Variants in EPS8 observed in about 807,000 individuals in gnomAD.
EPS8 encodes the protein epidermal growth factor receptor kinase substrate 8.
Under a neutral mutation model 103.8 loss-of-function variants are expected in EPS8, and 42 were observed. That is an observed-to-expected ratio of 0.40 (90% CI 0.32 to 0.52). The LOEUF is 0.52. EPS8 is among the 20% of genes least tolerant of loss of function. EPS8 has a pLI of 0.40. For missense variants in EPS8, 969 were observed against 1,005.1 expected, an observed-to-expected ratio of 0.96 and a Z score of 0.49; for synonymous variants, 344 against 344.6, an observed-to-expected ratio of 1.00 and a Z score of 0.02.
chr12:15,779,918 C>T lies in EPS8; in HGVS notation c.-22+9243G>A, dbSNP rs762730545. The T allele has an allele frequency of 6.6e-6, 1 of 152,188 alleles. No individual in the cohort carries two copies. Among genetic ancestry groups the T allele is most frequent in the Non-Finnish European group, 1.5e-5 (1 of 68,036 alleles). 9.4% of individuals were successfully genotyped at this position (152,188 alleles called of 1,614,324 possible). A position where few individuals can be genotyped will look rare whatever the true frequency, so the allele number is the denominator to read the frequency against. ...TAGACAGGCTTAAACAGGACTAGATCTGGCTTCATAGATTATTACATTCTT... is the reference window on the plus strand; with the variant it reads ...TAGACAGGCTTAAACAGGACTAGATTTGGCTTCATAGATTATTACATTCTT... On this transcript the variant is annotated intron_variant, in intron 1 of 20. Transcript: ENST00000281172. This position sits in a 1 kb window ranked among gnomAD's most constrained non-coding sequence, Gnocchi z 4.3.
intron 6 of EPS8, among the ~76,000 whole-genome samples, chr12:15,667,774 T>C (rs1232446456): frequency 6.6e-6 from 1 of 152,194 alleles, no homozygotes; most frequent in East Asian, 1.9e-4. Context: ...GCGAAAAATG[T>C]CTCATATGCA....
chr12:15,735,841 C>G lies in EPS8; in HGVS notation c.-21-52869G>C, dbSNP rs1407502761. ...CCATAATTGGCAATATTTTTAAAAA[C>G]TTATATAGAAAAAAATGCCAATAAT... On this transcript the variant is annotated intron_variant, in intron 1 of 20. Transcript: ENST00000281172. The surrounding 1 kb of genome is among the most constrained non-coding windows in gnomAD (Gnocchi z 4.4). Among the ~76,000 whole-genome samples the G allele has an allele frequency of 6.6e-6, 1 of 152,036 alleles. No individual in the cohort carries two copies. Among genetic ancestry groups the G allele is most frequent in the African/African-American group, 2.4e-5 (1 of 41,362 alleles).
intron 6 of EPS8, among the ~76,000 whole-genome samples, chr12:15,668,487 A>G (rs1054321659): frequency 6.6e-6 from 1 of 152,228 alleles, no homozygotes; most frequent in Non-Finnish European, 1.5e-5. Flanking sequence ...AAAGAAAACA[A>G]CTGAGGAAAT....
At chr12:15,711,086 G>C (rs1166401095) in intron 1 of EPS8, among the ~76,000 whole-genome samples, 1 of 146,402 alleles carries the variant, frequency 6.8e-6, no homozygotes, top group Admixed American at 7.0e-5. Flanking sequence ...ATTTATTTTG[G>C]TAGAGACAAG....
chr12:15,658,477 T>C lies in EPS8; in HGVS notation c.1026+20A>G, dbSNP rs748862345. 2.9e-6 allele frequency: 4 copies of C among 1,394,596 alleles called. No individual in the cohort carries two copies. The highest frequency in any genetic ancestry group is 2.3e-5 in the East Asian group (1 of 43,854). 86.4% of individuals were successfully genotyped at this position (1,394,596 alleles called of 1,614,324 possible). On this transcript the variant is annotated intron_variant, in intron 11 of 20. Transcript: ENST00000281172. ...TTTCCATTTATTTCTTCTAATTCTA[T>C]ATACATAAATTTCACTTACCAGAAG... is the stretch of plus-strand genomic sequence containing the variant.
At chr12:15,739,150 T>C (rs1270486472) in intron 1 of EPS8, among the ~76,000 whole-genome samples, 2 of 152,182 alleles carry the variant, frequency 1.3e-5, no homozygotes, top group Non-Finnish European at 2.9e-5. Context: ...AACCTGAGAA[T>C]AGTATTACTC....
intron 1 of EPS8, among the ~76,000 whole-genome samples, chr12:15,788,941 G>A (rs1947339116): frequency 1.3e-5 from 2 of 152,074 alleles, no homozygotes; most frequent in Non-Finnish European, 2.9e-5. Context: ...GGGTCTGCAC[G>A]GGCCCCACAG....
chr12:15,634,160 G>A (rs1410541423), intron 17 of EPS8, among the ~76,000 whole-genome samples: 5 of 152,182 alleles, frequency 3.3e-5, no homozygotes, highest in Non-Finnish European at 7.3e-5. Flanking sequence ...GACTTTCCCA[G>A]TAATTAGCAC....
intron 12 of EPS8, among the ~76,000 whole-genome samples, chr12:15,654,692 G>A (rs562156055): frequency 1.3e-5 from 2 of 152,162 alleles, no homozygotes; most frequent in South Asian, 4.1e-4. Context: ...TGCGGTTCCC[G>A]AAATGAGTAC....
chr12:15,649,838 A>G (rs1005200603), intron 14 of EPS8, among the ~76,000 whole-genome samples: 1 of 152,214 alleles, frequency 6.6e-6, no homozygotes, highest in Non-Finnish European at 1.5e-5. Flanking sequence ...TCATTCCCTC[A>G]TAACATATTT....
chr12:15,773,146 T>C (rs978753714), intron 1 of EPS8, among the ~76,000 whole-genome samples: 1 of 152,146 alleles, frequency 6.6e-6, no homozygotes, highest in African/African-American at 2.4e-5. Context: ...ATGTTCCATA[T>C]ATGCAGAATA....
chr12:15,695,829 G>A lies in EPS8; in HGVS notation c.-21-12857C>T, dbSNP rs1946235751. ...ATCTCTACCAAAAATATAAAAATCA[G>A]CCAGACATGGTGGCAGGCACCTGTA... On this transcript the variant is annotated intron_variant, in intron 1 of 20. Transcript: ENST00000281172. This position sits in a 1 kb window ranked among gnomAD's most constrained non-coding sequence, Gnocchi z 5.0. Among the ~76,000 whole-genome samples, 1 of 152,098 alleles carries A rather than the reference G, an allele frequency of 6.6e-6. No individual in the cohort carries two copies. The highest frequency in any genetic ancestry group is 2.4e-5 in the African/African-American group (1 of 41,418).
rs12228371 is a variant in EPS8 at position 15,769,920 on chromosome 12, T to C, written c.-22+19241A>G. ...GTTCCAGTGCCACAATTATTTGTAA[T>C]TTTCATGTTTTTTTAATTAGGTTTT... On this transcript the variant is annotated intron_variant, in intron 1 of 20. Transcript: ENST00000281172. This position sits in a 1 kb window ranked among gnomAD's most constrained non-coding sequence, Gnocchi z 4.6. Among the ~76,000 whole-genome samples the C allele has an allele frequency of 1.1e-3, 172 of 152,202 alleles. 2 individuals carry two copies. The East Asian group carries it at 0.031, about 27-fold the overall frequency.
rs1026189955 is a variant in EPS8, at chr12:15,706,393, T to C, written c.-21-23421A>G. ...CTATCACACTTGTCTAGAATAATTA[T>C]CTTTTATATCTTTGCCTATCTAAAT... is the stretch of plus-strand genomic sequence containing the variant. On this transcript the variant is annotated intron_variant, in intron 1 of 20. Transcript: ENST00000281172. The surrounding 1 kb of genome is among the most constrained non-coding windows in gnomAD (Gnocchi z 5.2). Among the ~76,000 whole-genome samples the C allele has an allele frequency of 2.0e-5, 3 of 152,206 alleles. No individual in the cohort carries two copies. Among genetic ancestry groups the C allele is most frequent in the African/African-American group, 7.2e-5 (3 of 41,462 alleles).
chr12:15,782,726 A>T (rs1047096128), intron 1 of EPS8, among the ~76,000 whole-genome samples: 6 of 152,198 alleles, frequency 3.9e-5, no homozygotes, highest in African/African-American at 1.4e-4. Context: ...CGCGGTCAAG[A>T]GAAATGTAAA....
rs1334278082 is a variant in EPS8 at position 15,654,126 on chromosome 12, A to G, written c.1250+19T>C. 1 of 1,609,462 alleles carries G rather than the reference A, an allele frequency of 6.2e-7. No individual in the cohort carries two copies. Among genetic ancestry groups the G allele is most frequent in the African/African-American group, 1.3e-5 (1 of 74,922 alleles). On this transcript the variant is annotated intron_variant, in intron 13 of 20. Transcript: ENST00000281172. Reference sequence around the variant, plus strand: ...AACAAAGAATGGTACTTAAGGCATTATAGGTGGTAAATGCTTACCTGGCTT... The same window carrying G: ...AACAAAGAATGGTACTTAAGGCATTGTAGGTGGTAAATGCTTACCTGGCTT...
chr12:15,700,936 T>C lies in EPS8; in HGVS notation c.-21-17964A>G, dbSNP rs1046903342. Reference sequence around the variant, plus strand: ...GGTTTCAAAGTAAAGAACATTTTCATAAACATACGGTCAGGAGAAAGGAGA... The same window carrying C: ...GGTTTCAAAGTAAAGAACATTTTCACAAACATACGGTCAGGAGAAAGGAGA... On this transcript the variant is annotated intron_variant, in intron 1 of 20. Transcript: ENST00000281172. The surrounding 1 kb of genome is among the most constrained non-coding windows in gnomAD (Gnocchi z 5.1). Among the ~76,000 whole-genome samples, 6 of 152,192 alleles carry C rather than the reference T, an allele frequency of 3.9e-5. No homozygotes were observed. The highest frequency in any genetic ancestry group is 7.3e-5 in the Non-Finnish European group (5 of 68,032).
At position 15,714,526 on chromosome 12, in the gene EPS8, T is replaced by C. The variant is rs1946507106; in HGVS notation, c.-21-31554A>G. On this transcript the variant is annotated intron_variant, in intron 1 of 20. Transcript: ENST00000281172. This position sits in a 1 kb window ranked among gnomAD's most constrained non-coding sequence, Gnocchi z 4.1. The stretch of plus-strand genomic sequence containing the variant: ...GCATGGTGGTACACACCAGCAGTCC[T>C]AGATGCTCATGAGGCTGAGACAGGA... Among the ~76,000 whole-genome samples, 1 of 151,996 alleles carries C rather than the reference T, an allele frequency of 6.6e-6. No individual in the cohort carries two copies. The highest frequency in any genetic ancestry group is 6.6e-5 in the Admixed American group (1 of 15,264).
chr12:15,773,027 C>T (rs1448069171), intron 1 of EPS8, among the ~76,000 whole-genome samples: 2 of 152,132 alleles, frequency 1.3e-5, no homozygotes, highest in African/African-American at 2.4e-5. Context: ...AGTGGGCTCG[C>T]TGATGTAGGA....
Sources: allele counts gnomAD v4.1 joint callset (sites outside exome capture counted in the v4.1 genomes callset), GRCh38; gene constraint gnomAD v4.1.1; non-coding constraint Gnocchi (gnomAD v3.1); transcripts MANE v1.5; gene names NCBI Gene and HGNC (gene_info 2026-07-23, HGNC 2026-07-21).